Variants in EIF4EBP2 observed in about 807,000 individuals in gnomAD.
EIF4EBP2 encodes the protein eukaryotic translation initiation factor 4E binding protein 2, also known as eukaryotic translation initiation factor 4E-binding protein 2.
EIF4EBP2 carries 5 observed loss-of-function variants against 10.3 expected under a neutral mutation model. The ratio of observed to expected loss-of-function variants is 0.48; its 90% CI spans 0.25 to 1.02. The LOEUF (loss-of-function observed/expected upper bound fraction) is 1.02. Among genes scored for constraint, EIF4EBP2 ranks in the 50% least tolerant of loss-of-function variants. The probability of loss-of-function intolerance (pLI) is 0.15; values close to 1 mark genes in which losing one functional copy is unlikely to be tolerated. For synonymous variants in EIF4EBP2, 67 were observed against 61.1 expected, an observed-to-expected ratio of 1.10 and a Z score of -0.45; for missense variants, 188 against 162.2, an observed-to-expected ratio of 1.16 and a Z score of -0.86.
intron 1 of EIF4EBP2, among the ~76,000 whole-genome samples, chr10:70,414,259 C>G (rs1845071168): frequency 6.6e-6 from 1 of 151,992 alleles, no homozygotes; most frequent in Non-Finnish European, 1.5e-5. Context: ...TTGAATTACA[C>G]CCTAAAATCA....
At chr10:70,410,921 G>C (rs1193597945) in intron 1 of EIF4EBP2, among the ~76,000 whole-genome samples, 1 of 152,150 alleles carries the variant, frequency 6.6e-6, no homozygotes, top group Non-Finnish European at 1.5e-5. Flanking sequence ...CAATGTCTAG[G>C]CTTGAAGGAT....
At chr10:70,414,088 T>G (rs1029005014) in intron 1 of EIF4EBP2, among the ~76,000 whole-genome samples, 2 of 152,202 alleles carry the variant, frequency 1.3e-5, no homozygotes, top group African/African-American at 4.8e-5. Flanking sequence ...ACCTTAAATA[T>G]TTTAGATTTT....
chr10:70,415,873 GAAAAA>G (rs60699796), intron 1 of EIF4EBP2, among the ~76,000 whole-genome samples: 1 of 114,734 alleles, frequency 8.7e-6, no homozygotes, highest in Admixed American at 8.5e-5. Context: ...ACAAACAAAA[GAAAAA>G]AAAAAAAACA....
intron 1 of EIF4EBP2, among the ~76,000 whole-genome samples, chr10:70,408,544 TC>T (rs1233368541): frequency 6.6e-6 from 1 of 152,200 alleles, no homozygotes; most frequent in African/African-American, 2.4e-5. Flanking sequence ...TGATTTAACT[TC>T]CCCCTCTGAC....
intron 1 of EIF4EBP2, among the ~76,000 whole-genome samples, chr10:70,418,045 T>C (rs754936087): frequency 2.0e-5 from 3 of 152,322 alleles, no homozygotes; most frequent in Non-Finnish European, 2.9e-5. Context: ...AAAATTCTTA[T>C]GTTGAAACCT....
intron 1 of EIF4EBP2, among the ~76,000 whole-genome samples, chr10:70,414,800 G>A (rs1292387489): frequency 6.6e-6 from 1 of 152,130 alleles, no homozygotes; most frequent in Non-Finnish European, 1.5e-5. Context: ...CCCAGAGGGT[G>A]GAGGTTGCAG....
chr10:70,407,735 C>T (rs1424819158), intron 1 of EIF4EBP2, among the ~76,000 whole-genome samples: 1 of 141,204 alleles, frequency 7.1e-6, no homozygotes, highest in Non-Finnish European at 1.6e-5. Context: ...GGCTGACCCC[C>T]CCCCCACCTC....
intron 1 of EIF4EBP2, among the ~76,000 whole-genome samples, chr10:70,405,712 T>G (rs941885129): frequency 6.6e-6 from 1 of 152,122 alleles, no homozygotes; most frequent in African/African-American, 2.4e-5. Context: ...CTTAAATCAG[T>G]TGCACAATAG....
At chr10:70,420,502 A>T (rs546614561) in intron 2 of EIF4EBP2, among the ~76,000 whole-genome samples, 1 of 152,060 alleles carries the variant, frequency 6.6e-6, no homozygotes, top group Non-Finnish European at 1.5e-5. Context: ...TGCCTGGCCA[A>T]TTCTTCAGTT....
rs910252390 is a variant in EIF4EBP2 at position 70,416,676 on chromosome 10, T to G, written c.146-3238T>G. 7.8e-4 allele frequency among the ~76,000 whole-genome samples: 116 copies of G among 149,278 alleles called. No homozygotes were observed. In the East Asian group the frequency reaches 0.021, roughly 27 times the overall value. On this transcript the variant is annotated intron_variant, in intron 1 of 2. Coordinates refer to ENST00000373218, the MANE Select transcript of EIF4EBP2 (RefSeq NM_004096.5). ...ACCTTAATTTTTTAATTTTTTTTTT[T>G]TTTTTTTGAGACAGGGTCTCACTCT...
chr10:70,424,904 C>T lies in EIF4EBP2; in HGVS notation c.*3157C>T, dbSNP rs927195086. On this transcript the variant is annotated 3_prime_UTR_variant, in exon 3 of 3. Coordinates refer to ENST00000373218, the MANE Select transcript of EIF4EBP2 (RefSeq NM_004096.5). Reference sequence around the variant, plus strand: ...GGGCTTCCAAGCCAAGAGTTTTGTCCTTCCACCTGTATTAGTTATCTATTG... The same window carrying T: ...GGGCTTCCAAGCCAAGAGTTTTGTCTTTCCACCTGTATTAGTTATCTATTG... 2.6e-5 allele frequency: 4 copies of T among 152,238 alleles called. No homozygotes were observed. Among genetic ancestry groups the T allele is most frequent in the Non-Finnish European group, 1.5e-5 (1 of 68,044 alleles). The allele number at this position is 152,238 out of a possible 1,614,324, so 9.4% of individuals were successfully genotyped here. A position where few individuals can be genotyped will look rare whatever the true frequency, so the allele number is the denominator to read the frequency against.
chr10:70,405,561 C>G (rs1844957320), intron 1 of EIF4EBP2, among the ~76,000 whole-genome samples: 1 of 152,208 alleles, frequency 6.6e-6, no homozygotes, highest in African/African-American at 2.4e-5. Flanking sequence ...ACTTTGTCTT[C>G]TTTTGGTGCT....
chr10:70,408,588 C>T (rs1480092675), intron 1 of EIF4EBP2, among the ~76,000 whole-genome samples: 2 of 152,200 alleles, frequency 1.3e-5, no homozygotes, highest in Non-Finnish European at 2.9e-5. Context: ...CATTCATCTT[C>T]CTCTCATCAT....
chr10:70,405,858 G>GCA (rs1844960062), intron 1 of EIF4EBP2, among the ~76,000 whole-genome samples: 1 of 152,154 alleles, frequency 6.6e-6, no homozygotes, highest in African/African-American at 2.4e-5. Context: ...AATGACCCAG[G>GCA]CAGAAGTTCA....
chr10:70,417,762 T>C (rs1221911256), intron 1 of EIF4EBP2, among the ~76,000 whole-genome samples: 1 of 152,218 alleles, frequency 6.6e-6, no homozygotes, highest in Non-Finnish European at 1.5e-5. Context: ...TTGTTCCAGT[T>C]TGCAAGTTGA....
At chr10:70,421,299 G>A (rs566926019) in intron 2 of EIF4EBP2, among the ~76,000 whole-genome samples, 32 of 152,304 alleles carry the variant, frequency 2.1e-4, no homozygotes, top group Non-Finnish European at 4.3e-4. Context: ...TGCACTTGGT[G>A]ACCCCTAGAT....
chr10:70,409,736 C>A (rs192440463), intron 1 of EIF4EBP2, among the ~76,000 whole-genome samples: 2 of 152,170 alleles, frequency 1.3e-5, no homozygotes, highest in African/African-American at 2.4e-5. Context: ...TTTTGCTCTG[C>A]GGAATGAGCA....
In EIF4EBP2 at chr10:70,427,530, T is replaced by TA. The variant is rs1181144957; in HGVS notation, c.*5784dup. On this transcript the variant is annotated 3_prime_UTR_variant, in exon 3 of 3. Transcript: ENST00000373218. ...TTTTCAGTCAGTCACTTACATCACC[T>TA]AGCCTACTCTCTGGAATTTAAATTT... The TA allele has an allele frequency of 2.6e-5, 4 of 152,218 alleles. No homozygotes were observed. The allele number at this position is 152,218 out of a possible 1,614,324, so 9.4% of individuals were successfully genotyped here.
At chr10:70,412,157 G>A (rs959356246) in intron 1 of EIF4EBP2, among the ~76,000 whole-genome samples, 1 of 152,126 alleles carries the variant, frequency 6.6e-6, no homozygotes, top group South Asian at 2.1e-4. Flanking sequence ...GATGGCTTCT[G>A]AGATTTTCCC....
Sources: allele counts gnomAD v4.1 joint callset (sites outside exome capture counted in the v4.1 genomes callset), GRCh38; gene constraint gnomAD v4.1.1; transcripts MANE v1.5; gene names NCBI Gene and HGNC (gene_info 2026-07-23, HGNC 2026-07-21).